CCSER1: variants seen among roughly 807,000 people sequenced by gnomAD.
The protein encoded by CCSER1 is coiled-coil serine rich protein 1, also known as serine-rich coiled-coil domain-containing protein 1.
In CCSER1, 41 loss-of-function variants were observed where a neutral mutation model predicts 82.0. The ratio of observed to expected loss-of-function variants is 0.50; its 90% confidence interval spans 0.39 to 0.65. The LOEUF is 0.65. Ranked by LOEUF, CCSER1 falls within the 30% of genes least tolerant of loss-of-function variation. The probability of loss-of-function intolerance (pLI) is 0.00; values close to 1 mark genes in which losing one functional copy is unlikely to be tolerated. For missense variants in CCSER1, 1,119 were observed against 1,064.2 expected, an observed-to-expected ratio of 1.05 and a Z score of -0.72; for synonymous variants, 414 against 383.9, an observed-to-expected ratio of 1.08 and a Z score of -0.92.
intron 5 of CCSER1, among the ~76,000 whole-genome samples, chr4:90,600,002 CAT>C (rs749619243): frequency 7.2e-5 from 11 of 152,272 alleles, no homozygotes; most frequent in Non-Finnish European, 1.2e-4. Context: ...TTTCACTTAA[CAT>C]AATTATTTTG....
chr4:90,894,764 C>T (rs1172590655), intron 8 of CCSER1, among the ~76,000 whole-genome samples: 3 of 151,918 alleles, frequency 2.0e-5, no homozygotes, highest in African/African-American at 7.2e-5. Flanking sequence ...GATGGTTCTA[C>T]TCATCATTCA....
At chr4:90,257,803 CAGTCA>C (rs1316589615) in intron 1 of CCSER1, among the ~76,000 whole-genome samples, 1 of 152,116 alleles carries the variant, frequency 6.6e-6, no homozygotes, top group East Asian at 1.9e-4. Context: ...AGCTCCCAGA[CAGTCA>C]AGTAGAGGAG....
chr4:90,745,894 G>A (rs140909254), intron 7 of CCSER1, among the ~76,000 whole-genome samples: 1,762 of 151,722 alleles, frequency 0.012, 33 homozygotes, highest in African/African-American at 0.037. Flanking sequence ...TAGAGACGGG[G>A]TTTCACCGTG....
chr4:91,554,191 C>G (rs1421972178), intron 10 of CCSER1, among the ~76,000 whole-genome samples: 1 of 148,148 alleles, frequency 6.8e-6, no homozygotes, highest in Non-Finnish European at 1.5e-5. Context: ...TGTGAATTTC[C>G]CATTTGTCTT....
chr4:91,385,550 G>T (rs925574053), intron 10 of CCSER1, among the ~76,000 whole-genome samples: 1 of 151,606 alleles, frequency 6.6e-6, no homozygotes, highest in Non-Finnish European at 1.5e-5. Context: ...TAAAGAGATA[G>T]GAAGTAAACA....
chr4:90,447,341 A>G (rs58390271), intron 4 of CCSER1, among the ~76,000 whole-genome samples: 18,816 of 138,786 alleles, frequency 0.14, 1,665 homozygotes, highest in East Asian at 0.37. Flanking sequence ...CTTCCTGGGG[A>G]AAAAAAAAAA....
intron 7 of CCSER1, among the ~76,000 whole-genome samples, chr4:90,777,704 A>T (rs1454474324): frequency 6.6e-6 from 1 of 152,198 alleles, no homozygotes; most frequent in Non-Finnish European, 1.5e-5. Context: ...TACTTTAAAC[A>T]CATTAAAGTG....
intron 7 of CCSER1, among the ~76,000 whole-genome samples, chr4:90,745,750 C>T (rs183597737): frequency 2.4e-5 from 3 of 126,546 alleles, no homozygotes; most frequent in African/African-American, 6.1e-5. Context: ...AGTGCGGTGG[C>T]GTGATCTCGG....
rs146924204 is a variant in CCSER1, at chr4:90,131,827, G to A, written c.-42+3996G>A. On this transcript the variant is annotated intron_variant, in intron 1 of 10. Coordinates refer to ENST00000509176, the MANE Select transcript of CCSER1 (RefSeq NM_001145065.2). ...TAAATTGTATTAACAATAACACCAT[G>A]ACCTGTCTCTAAACTTAGTTGTTTT... Among the ~76,000 whole-genome samples the A allele has an allele frequency of 4.0e-3, 614 of 152,170 alleles. 6 individuals are homozygous for A. The highest frequency in any genetic ancestry group is 0.014 in the African/African-American group (571 of 41,526).
chr4:90,878,872 G>A (rs1212679116), intron 8 of CCSER1, among the ~76,000 whole-genome samples: 2 of 152,126 alleles, frequency 1.3e-5, no homozygotes, highest in South Asian at 4.1e-4. Flanking sequence ...CTTAATAATT[G>A]TGAAACATTT....
chr4:91,429,812 A>C (rs916652712), intron 10 of CCSER1, among the ~76,000 whole-genome samples: 5 of 151,880 alleles, frequency 3.3e-5, no homozygotes, highest in African/African-American at 7.2e-5. Context: ...TATTGTCTAT[A>C]ATCTCAGTTA....
intron 8 of CCSER1, among the ~76,000 whole-genome samples, chr4:90,919,829 T>C (rs1438294445): frequency 6.6e-6 from 1 of 151,994 alleles, no homozygotes; most frequent in Non-Finnish European, 1.5e-5. Flanking sequence ...AATCTGTCAC[T>C]TTCATCTCAT....
chr4:90,394,064 G>A (rs1751613927), intron 3 of CCSER1, among the ~76,000 whole-genome samples: 1 of 150,884 alleles, frequency 6.6e-6, no homozygotes, highest in South Asian at 2.1e-4. Context: ...ACAGGTGTGA[G>A]CCACTATGCC....
chr4:91,502,989 T>C (rs1282816556), intron 10 of CCSER1, among the ~76,000 whole-genome samples: 6 of 151,514 alleles, frequency 4.0e-5, no homozygotes, highest in African/African-American at 4.8e-5. Context: ...ATTAATATGC[T>C]ATTGAATTCC....
intron 6 of CCSER1, among the ~76,000 whole-genome samples, chr4:90,691,228 C>A (rs562155301): frequency 2.6e-4 from 40 of 152,100 alleles, no homozygotes; most frequent in Middle Eastern, 3.4e-3. Context: ...AGGGTTTATA[C>A]ATACAAACAT....
At chr4:91,315,228 A>G (rs926743679) in intron 10 of CCSER1, among the ~76,000 whole-genome samples, 4 of 151,762 alleles carry the variant, frequency 2.6e-5, no homozygotes, top group East Asian at 1.9e-4. Context: ...ACAAAGAGTA[A>G]TCTTTTATGG....
chr4:91,103,964 AC>A (rs1725347118), intron 10 of CCSER1, among the ~76,000 whole-genome samples: 2 of 152,034 alleles, frequency 1.3e-5, no homozygotes, highest in South Asian at 2.1e-4. Context: ...TAATATTAAT[AC>A]CCTGGGAAAG....
intron 9 of CCSER1, among the ~76,000 whole-genome samples, chr4:91,014,721 A>G (rs931454735): frequency 6.6e-6 from 1 of 152,234 alleles, no homozygotes; most frequent in Non-Finnish European, 1.5e-5. Context: ...TACTTCACAC[A>G]TAATCTTAAA....
chr4:90,551,463 C>A (rs1268275584), intron 5 of CCSER1, among the ~76,000 whole-genome samples: 2 of 151,932 alleles, frequency 1.3e-5, no homozygotes, highest in African/African-American at 4.8e-5. Flanking sequence ...TTCTTCTATG[C>A]CCAGCCTTCC....
Sources: allele counts gnomAD v4.1 joint callset (sites outside exome capture counted in the v4.1 genomes callset), GRCh38; gene constraint gnomAD v4.1.1; transcripts MANE v1.5; gene names NCBI Gene and HGNC (gene_info 2026-07-23, HGNC 2026-07-21).